Variants in ZCCHC14 observed in about 807,000 individuals in gnomAD.
ZCCHC14 encodes the protein zinc finger CCHC-type containing 14.
ZCCHC14 carries 16 observed loss-of-function variants against 85.0 expected under a neutral mutation model. That is an observed-to-expected ratio of 0.19 (90% CI 0.13 to 0.29). The LOEUF (loss-of-function observed/expected upper bound fraction) is 0.29, where lower values mean the gene tolerates loss of function less well. Ranked by LOEUF, ZCCHC14 falls within the 10% of genes least tolerant of loss-of-function variation. The probability of loss-of-function intolerance (pLI) is 1.00; values close to 1 mark genes in which losing one functional copy is unlikely to be tolerated. For synonymous variants in ZCCHC14, 775 were observed against 630.7 expected (o/e 1.23, Z -3.43); for missense variants, 1,303 against 1,443.5 (o/e 0.90, Z 1.58).
At chr16:87,417,297 C>T (rs1056429517) in intron 8 of ZCCHC14, among the ~76,000 whole-genome samples, 163 bp downstream of exon 8, 2 of 152,214 alleles carry the variant, frequency 1.3e-5, no homozygotes, top group Non-Finnish European at 2.9e-5. Context: ...GCTGCAGCTG[C>T]AGGCGGCCTC....
chr16:87,455,618 G>A (rs549852270), intron 2 of ZCCHC14, among the ~76,000 whole-genome samples: 10 of 152,298 alleles, frequency 6.6e-5, no homozygotes, highest in South Asian at 2.1e-4. Flanking sequence ...ATGATTCTCT[G>A]TGCCCTGGGG....
At position 87,467,650 on chromosome 16, in the gene ZCCHC14, G is replaced by A. The variant is rs536393589; in HGVS notation, c.571-7519C>T. 2.3e-5 allele frequency: 22 copies of A among 948,042 alleles called. No homozygotes were observed. The East Asian group carries it at 2.9e-4, about 12-fold the overall frequency. 58.7% of individuals were successfully genotyped at this position (948,042 alleles called of 1,614,324 possible). On this transcript the variant is annotated intron_variant, in intron 1 of 12. Transcript: ENST00000671377. ...TTGGGGACTCTGAATTTCCCTGGTC[G>A]AACGGTTTCTTTTTCTTTTGAGATG...
chr16:87,449,049 G>C (rs1488404501), intron 2 of ZCCHC14, among the ~76,000 whole-genome samples: 4 of 152,162 alleles, frequency 2.6e-5, no homozygotes, highest in East Asian at 1.9e-4. Flanking sequence ...AGGAGGATGA[G>C]GGACGCCTGA....
At chr16:87,418,252 C>T (rs529206752) in intron 7 of ZCCHC14, among the ~76,000 whole-genome samples, 5 of 152,290 alleles carry the variant, frequency 3.3e-5, no homozygotes, top group African/African-American at 7.2e-5. Context: ...AAAAGTAAAA[C>T]GCAGAAGGCT....
intron 3 of ZCCHC14, among the ~76,000 whole-genome samples, chr16:87,426,524 G>C (rs1909379924): frequency 6.6e-6 from 1 of 152,196 alleles, no homozygotes; most frequent in Non-Finnish European, 1.5e-5. Flanking sequence ...CTCACACGCA[G>C]GGTCTAGTTC....
chr16:87,445,663 T>A (rs1251051643), intron 2 of ZCCHC14, among the ~76,000 whole-genome samples: 1 of 152,156 alleles, frequency 6.6e-6, no homozygotes, highest in African/African-American at 2.4e-5. Context: ...AGCCACGGCG[T>A]GTGGGCTCAG....
At chr16:87,449,706 C>T (rs552465621) in intron 2 of ZCCHC14, among the ~76,000 whole-genome samples, 1 of 152,140 alleles carries the variant, frequency 6.6e-6, no homozygotes, top group African/African-American at 2.4e-5. Context: ...TAAAAAATCA[C>T]AGTAAAGGGA....
At chr16:87,469,954 C>G (rs1313141396) in intron 1 of ZCCHC14, among the ~76,000 whole-genome samples, 1 of 152,198 alleles carries the variant, frequency 6.6e-6, no homozygotes, top group East Asian at 1.9e-4. Flanking sequence ...AAAACCAGTG[C>G]ACTTGCCAGG....
intron 1 of ZCCHC14, among the ~76,000 whole-genome samples, chr16:87,479,894 G>T (rs1318108908): frequency 6.6e-6 from 1 of 151,786 alleles, no homozygotes; most frequent in African/African-American, 2.4e-5. Context: ...GTGTTAGAGA[G>T]TTCTTCCCAA....
In ZCCHC14 at chr16:87,460,075, G is replaced by A; in HGVS notation, c.627C>T (p.Ala209=). 6.2e-7 allele frequency: 1 copy of A among 1,614,118 alleles called. No individual in the cohort carries two copies. The highest frequency in any genetic ancestry group is 8.5e-7 in the Non-Finnish European group (1 of 1,180,024). ...VSSVSNSLEN[A]LHTSAHSTEE... Reference sequence around the variant, plus strand: ...CCGTGGAATGTGCTGATGTGTGCAGGGCATTCTCCAAACTATTACTGACAC... The same window carrying A: ...CCGTGGAATGTGCTGATGTGTGCAGAGCATTCTCCAAACTATTACTGACAC... Residue 209 remains alanine, a synonymous_variant, in exon 2 of 13, where the codon GCC becomes GCT. Coordinates refer to ENST00000671377, the MANE Select transcript of ZCCHC14 (RefSeq NM_015144.3).
At position 87,480,908 on chromosome 16, in the gene ZCCHC14, A is replaced by AAC. The variant is rs372598110; in HGVS notation, c.570+10760_570+10761insGT. On this transcript the variant is annotated intron_variant, in intron 1 of 12. Coordinates refer to ENST00000671377, the MANE Select transcript of ZCCHC14 (RefSeq NM_015144.3). The stretch of plus-strand genomic sequence containing the variant: ...GGCACAGGAGAGAGAAAGCACAGTG[A>AAC]GTAGGAGGAACTGCGCCTACAGAGA... Among the ~76,000 whole-genome samples the AAC allele has an allele frequency of 4.6e-3, 694 of 152,358 alleles. 3 individuals are homozygous for AAC. The highest frequency in any genetic ancestry group is 0.015 in the African/African-American group (637 of 41,588).
intron 1 of ZCCHC14, chr16:87,467,114 G>A: frequency 1.4e-6 from 1 of 723,264 alleles, no homozygotes; most frequent in Non-Finnish European, 2.4e-6. Context: ...CTAACTCCTG[G>A]CCTCAAAAGT....
intron 2 of ZCCHC14, among the ~76,000 whole-genome samples, chr16:87,456,374 T>C (rs1208069290): frequency 6.6e-6 from 1 of 151,292 alleles, no homozygotes; most frequent in Non-Finnish European, 1.5e-5. Context: ...ACTAAAAATA[T>C]AAAAAAATAG....
chr16:87,449,325 A>G (rs749082977), intron 2 of ZCCHC14, among the ~76,000 whole-genome samples: 119 of 152,170 alleles, frequency 7.8e-4, no homozygotes, highest in Non-Finnish European at 3.5e-4. Flanking sequence ...TCCTATCTCT[A>G]AAACTCTGAA....
At position 87,408,319 on chromosome 16, in the gene ZCCHC14, A is replaced by G. The variant is rs1239014410; in HGVS notation, c.*1961T>C. 2.0e-5 allele frequency: 3 copies of G among 152,542 alleles called. No individual in the cohort carries two copies. The highest frequency in any genetic ancestry group is 7.2e-5 in the African/African-American group (3 of 41,460). 9.4% of individuals were successfully genotyped at this position (152,542 alleles called of 1,614,324 possible). A position where few individuals can be genotyped will look rare whatever the true frequency, so the allele number is the denominator to read the frequency against. Reference sequence around the variant, plus strand: ...AAATATTTCTTTGCTTAAAAAAACCAAAAAATTTAAAAGTTTGGCTTTCAG... The same window carrying G: ...AAATATTTCTTTGCTTAAAAAAACCGAAAAATTTAAAAGTTTGGCTTTCAG... On this transcript the variant is annotated 3_prime_UTR_variant, in exon 13 of 13. Transcript: ENST00000671377.
chr16:87,488,704 A>G (rs1178600781), intron 1 of ZCCHC14, among the ~76,000 whole-genome samples: 1 of 152,160 alleles, frequency 6.6e-6, no homozygotes, highest in Non-Finnish European at 1.5e-5. Flanking sequence ...CGGCCTCCCA[A>G]GTAGCAGGGA....
Position 87,420,690 on chromosome 16 carries a change from G to C in ZCCHC14, c.867C>G (p.Asn289Lys), listed in dbSNP as rs1212822038. ...CTAAGCAAGGAATGAGTTTCTCCAA[G>C]TTCTCTTCAGGATAGAGCTGACATA... ...SKLCQLYPEE[N>K]LEKLIPCLAG... The change falls in exon 5 of 13, where the codon AAC becomes AAG. Residue 289 changes from asparagine (N) to lysine (K), a missense_variant. Coordinates refer to ENST00000671377, the MANE Select transcript of ZCCHC14 (RefSeq NM_015144.3). The surrounding 1 kb of genome is among the most constrained non-coding windows in gnomAD (Gnocchi z 5.0). 6 of 1,613,636 alleles carry C rather than the reference G, an allele frequency of 3.7e-6. No homozygotes were observed. Among genetic ancestry groups the C allele is most frequent in the South Asian group, 1.1e-5 (1 of 90,916 alleles).
intron 5 of ZCCHC14, 104 bp from the exon 6 acceptor site, chr16:87,419,981 G>T: frequency 1.1e-6 from 1 of 932,220 alleles, no homozygotes; most frequent in South Asian, 1.9e-5. Context: ...TGTATTAGAG[G>T]AAAAAAGCCA....
chr16:87,417,126 A>C (rs1315151105), intron 8 of ZCCHC14, among the ~76,000 whole-genome samples: 1 of 152,194 alleles, frequency 6.6e-6, no homozygotes, highest in Non-Finnish European at 1.5e-5. Flanking sequence ...AGCTACGCCG[A>C]GAAATGTCTA....
Sources: allele counts gnomAD v4.1 joint callset (sites outside exome capture counted in the v4.1 genomes callset), GRCh38; gene constraint gnomAD v4.1.1; non-coding constraint Gnocchi (gnomAD v3.1); transcripts MANE v1.5; gene names NCBI Gene and HGNC (gene_info 2026-07-23, HGNC 2026-07-21).